KIAA1328: variants seen among roughly 807,000 people sequenced by gnomAD.
KIAA1328 encodes the protein KIAA1328.
KIAA1328 carries 52 observed loss-of-function variants against 68.1 expected under a neutral mutation model. The observed-to-expected ratio is 0.76, with a 90% confidence interval of 0.61 to 0.96. The LOEUF is 0.96. Ranked by LOEUF, KIAA1328 falls within the 40% of genes least tolerant of loss-of-function variation. The pLI is 0.00. For synonymous variants in KIAA1328, 232 were observed against 239.4 expected (o/e 0.97, Z 0.28); for missense variants, 641 against 677.6 (o/e 0.95, Z 0.60).
At chr18:37,005,337 A>T (rs1186057475) in intron 6 of KIAA1328, among the ~76,000 whole-genome samples, 1 of 152,132 alleles carries the variant, frequency 6.6e-6, no homozygotes, top group African/African-American at 2.4e-5. Context: ...GCCAACAGGT[A>T]TATGAAAAAG....
intron 3 of KIAA1328, 135 bp from the exon 4 acceptor site, chr18:36,844,073 G>A: frequency 1.8e-6 from 1 of 570,268 alleles, no homozygotes; most frequent in Non-Finnish European, 3.1e-6. Context: ...TTCACAGTAG[G>A]TTTAAATTGA....
chr18:37,022,362 C>A (rs778260183), intron 6 of KIAA1328, among the ~76,000 whole-genome samples: 1 of 151,828 alleles, frequency 6.6e-6, no homozygotes, highest in Non-Finnish European at 1.5e-5. Context: ...TGGTTTAGAC[C>A]CTAATCACCC....
chr18:37,202,762 T>G (rs2060138451), intron 9 of KIAA1328, among the ~76,000 whole-genome samples: 1 of 152,184 alleles, frequency 6.6e-6, no homozygotes, highest in Admixed American at 6.5e-5. Context: ...TATATAAATA[T>G]GACTCAAGGT....
chr18:37,086,585 G>A (rs574800472), intron 7 of KIAA1328, among the ~76,000 whole-genome samples: 2 of 152,098 alleles, frequency 1.3e-5, no homozygotes, highest in Non-Finnish European at 2.9e-5. Context: ...AACATGCGCT[G>A]CAGTAGCTTA....
At chr18:37,070,931 C>G (rs2056503617) in intron 7 of KIAA1328, among the ~76,000 whole-genome samples, 1 of 151,862 alleles carries the variant, frequency 6.6e-6, no homozygotes, top group Non-Finnish European at 1.5e-5. Flanking sequence ...CATCCTTTTA[C>G]TTTCACCCTA....
intron 8 of KIAA1328, among the ~76,000 whole-genome samples, chr18:37,162,452 G>A (rs1503359): frequency 0.13 from 20,256 of 152,056 alleles, 1,732 homozygotes; most frequent in Non-Finnish European, 0.18. Flanking sequence ...CCATTAAAGA[G>A]GCTAAAGTTG....
At chr18:37,017,140 C>T (rs2054180718) in intron 6 of KIAA1328, among the ~76,000 whole-genome samples, 1 of 151,972 alleles carries the variant, frequency 6.6e-6, no homozygotes, top group Non-Finnish European at 1.5e-5. Flanking sequence ...TTTGCTGTAT[C>T]TCAGATGTTT....
intron 7 of KIAA1328, among the ~76,000 whole-genome samples, chr18:37,120,307 A>G (rs1216314881): frequency 1.3e-5 from 2 of 152,132 alleles, no homozygotes; most frequent in African/African-American, 2.4e-5. Context: ...TCCCAGTGAC[A>G]TTTACTAATG....
intron 6 of KIAA1328, among the ~76,000 whole-genome samples, chr18:36,983,191 G>C (rs939649415): frequency 6.6e-6 from 1 of 151,814 alleles, no homozygotes; most frequent in Non-Finnish European, 1.5e-5. Flanking sequence ...TGTATTTAAG[G>C]GGGAAAAAGC....
downstream of KIAA1328, among the ~76,000 whole-genome samples, chr18:37,227,198 T>C (rs1234704755): frequency 2.0e-5 from 3 of 152,022 alleles, no homozygotes; most frequent in East Asian, 5.8e-4. Flanking sequence ...CTAGCAGAGG[T>C]TTAAGGAAAG....
At position 37,224,242 on chromosome 18, in the gene KIAA1328, C is replaced by A; in HGVS notation, c.*2015C>A. On this transcript the variant is annotated 3_prime_UTR_variant, in exon 10 of 10. Transcript: ENST00000280020. ...CTTAAAACTCTGGAGTGAGAGGATG[C>A]CAGAGGATCAAGAAAAGGATCACAG... The A allele has an allele frequency of 2.0e-6, 2 of 985,388 alleles. No individual in the cohort carries two copies. Among genetic ancestry groups the A allele is most frequent in the Non-Finnish European group, 2.4e-6 (2 of 829,918 alleles). The allele number at this position is 985,388 out of a possible 1,614,324, so 61.0% of individuals were successfully genotyped here.
At chr18:36,975,093 T>C (rs1162123224) in intron 6 of KIAA1328, among the ~76,000 whole-genome samples, 2 of 152,116 alleles carry the variant, frequency 1.3e-5, no homozygotes, top group African/African-American at 4.8e-5. Context: ...TATCCTTTGA[T>C]ATTATGTTGA....
chr18:37,036,901 T>A (rs148903963), intron 6 of KIAA1328, among the ~76,000 whole-genome samples: 115 of 152,326 alleles, frequency 7.5e-4, no homozygotes, highest in African/African-American at 2.4e-3. Flanking sequence ...TTGATCATCC[T>A]AATTATGACA....
intron 9 of KIAA1328, among the ~76,000 whole-genome samples, chr18:37,205,356 C>T (rs768852732): frequency 7.2e-5 from 11 of 152,148 alleles, no homozygotes; most frequent in Non-Finnish European, 1.3e-4. Context: ...AAGTCTGCTC[C>T]TAGATTCTCT....
At chr18:37,030,431 T>C (rs2054776878) in intron 6 of KIAA1328, among the ~76,000 whole-genome samples, 1 of 152,184 alleles carries the variant, frequency 6.6e-6, no homozygotes, top group South Asian at 2.1e-4. Context: ...GTCATAAGAT[T>C]CTTAATTTCC....
At chr18:37,020,509 A>T (rs747157864) in intron 6 of KIAA1328, among the ~76,000 whole-genome samples, 3 of 152,232 alleles carry the variant, frequency 2.0e-5, no homozygotes, top group African/African-American at 7.2e-5. Context: ...TAGATTTCCT[A>T]ATATTCAGAA....
intron 7 of KIAA1328, among the ~76,000 whole-genome samples, chr18:37,131,521 A>G (rs894778205): frequency 6.6e-6 from 1 of 152,186 alleles, no homozygotes; most frequent in Non-Finnish European, 1.5e-5. Context: ...ATATATTCAT[A>G]TTTAGCAACC....
Position 36,844,060 on chromosome 18 carries a change from T to C in KIAA1328, c.238-148T>C, listed in dbSNP as rs1238189259. ...GACAGTCAGTTCCTTAGCCTGTTTT[T>C]AGTTCACAGTAGGTTTAAATTGAAA... is the stretch of plus-strand genomic sequence containing the variant. On this transcript the variant is annotated intron_variant, in intron 3 of 9. Coordinates refer to ENST00000280020, the MANE Select transcript of KIAA1328 (RefSeq NM_020776.3). The C allele has an allele frequency of 1.3e-5, 7 of 531,034 alleles. No individual in the cohort carries two copies. The South Asian group carries it at 1.7e-4, about 13-fold the overall frequency. 32.9% of individuals were successfully genotyped at this position (531,034 alleles called of 1,614,324 possible).
intron 9 of KIAA1328, among the ~76,000 whole-genome samples, chr18:37,181,933 T>C (rs1846919133): frequency 6.6e-6 from 1 of 152,240 alleles, no homozygotes; most frequent in African/African-American, 2.4e-5. Flanking sequence ...TTCAAAATTT[T>C]ACACTCAGTA....
Sources: gnomAD v4.1 joint callset for allele counts (sites outside exome capture counted in the v4.1 genomes callset) on GRCh38, gnomAD v4.1.1 for gene constraint, MANE v1.5 for transcripts, NCBI Gene and HGNC (gene_info 2026-07-23, HGNC 2026-07-21) for gene names.